Variants in AMOT observed in about 807,000 individuals in gnomAD.
AMOT encodes the protein angiomotin.
AMOT carries 11 observed loss-of-function variants against 67.0 expected under a neutral mutation model. The observed-to-expected ratio is 0.16, with a 90% CI of 0.10 to 0.27. The LOEUF is 0.27. Ranked by LOEUF, AMOT falls within the 10% of genes least tolerant of loss-of-function variation. The pLI is 1.00. For missense variants in AMOT, 753 were observed against 852.0 expected (o/e 0.88, Z 1.45); for synonymous variants, 326 against 321.4 (o/e 1.01, Z -0.15).
intron 1 of AMOT, among the ~76,000 whole-genome samples, chrX:112,836,842 C>T (rs1322962468): frequency 9.4e-6 from 1 of 106,147 alleles, no homozygotes; most frequent in Non-Finnish European, 1.9e-5. Context: ...AAACCATAAA[C>T]GTATAAGAAC....
chrX:112,793,102 A>G (rs1319364510), intron 8 of AMOT, among the ~76,000 whole-genome samples: 1 of 109,884 alleles, frequency 9.1e-6, no homozygotes, highest in Non-Finnish European at 1.9e-5. Flanking sequence ...GGCCTCCTCA[A>G]TGCTAATAAA....
At chrX:112,817,302 C>T (rs1569403166) in intron 4 of AMOT, among the ~76,000 whole-genome samples, 1 of 112,321 alleles carries the variant, frequency 8.9e-6, no homozygotes, top group Non-Finnish European at 1.9e-5. Flanking sequence ...ATAGGAATTA[C>T]AGTCACTTCT....
intron 7 of AMOT, among the ~76,000 whole-genome samples, chrX:112,808,892 C>G (rs148850615): frequency 9.0e-6 from 1 of 111,619 alleles, no homozygotes; most frequent in Non-Finnish European, 1.9e-5. Flanking sequence ...ACAGGAGGTA[C>G]AGGGAAAAGA....
intron 2 of AMOT, among the ~76,000 whole-genome samples, chrX:112,832,080 T>C (rs941826779): frequency 8.1e-5 from 9 of 111,131 alleles, no homozygotes; most frequent in Admixed American, 9.6e-5. Flanking sequence ...GAAAGGGAAG[T>C]TGCTAGACTG....
chrX:112,831,445 CAATAAATAAATA>C (rs35986965), intron 2 of AMOT, among the ~76,000 whole-genome samples: 8,004 of 94,515 alleles, frequency 0.085, 924 homozygotes, highest in African/African-American at 0.29. Context: ...CCTAGGGTGG[CAATAAATAAATA>C]AATAAATAAA....
At chrX:112,810,434 C>A (rs1449261079) in intron 6 of AMOT, among the ~76,000 whole-genome samples, 3 of 112,161 alleles carry the variant, frequency 2.7e-5, no homozygotes, top group Non-Finnish European at 5.6e-5. Context: ...CCTGGCCGGG[C>A]ACAGTGACTC....
At chrX:112,824,212 G>A (rs965649113) in intron 3 of AMOT, among the ~76,000 whole-genome samples, 3 of 112,061 alleles carry the variant, frequency 2.7e-5, no homozygotes, top group African/African-American at 6.5e-5. Flanking sequence ...GCACTGTATA[G>A]TACACACTAA....
intron 4 of AMOT, chrX:112,819,422 C>G: frequency 4.0e-6 from 3 of 753,603 alleles, no homozygotes; most frequent in Non-Finnish European, 4.7e-6. Flanking sequence ...CTTGCACAAC[C>G]AGCTCTGCTC....
intron 8 of AMOT, among the ~76,000 whole-genome samples, chrX:112,792,699 G>A (rs184983251): frequency 1.1e-3 from 123 of 111,849 alleles, no homozygotes; most frequent in Middle Eastern, 4.6e-3. Flanking sequence ...GCTACTTCAT[G>A]AGCCTGAATT....
intron 2 of AMOT, among the ~76,000 whole-genome samples, chrX:112,827,342 A>G (rs957168215): frequency 3.6e-5 from 4 of 112,390 alleles, no homozygotes; most frequent in Non-Finnish European, 7.5e-5. Context: ...GTTCATCTAC[A>G]TGTCAAGAGT....
intron 5 of AMOT, 87 bp from the exon 6 acceptor site, chrX:112,811,480 C>T: frequency 1.6e-5 from 17 of 1,042,025 alleles, no homozygotes; most frequent in Middle Eastern, 3.8e-4. Context: ...TCCTCGCTGA[C>T]AGCTTCTCCC....
chrX:112,821,341 C>T (rs1487388005), intron 4 of AMOT, among the ~76,000 whole-genome samples: 1 of 111,083 alleles, frequency 9.0e-6, no homozygotes. Flanking sequence ...ACCATCGGTC[C>T]CCATGGTTTA....
chrX:112,779,864 T>C (rs1211661445), intron 12 of AMOT, among the ~76,000 whole-genome samples, 184 bp from the exon 13 acceptor site: 1 of 110,669 alleles, frequency 9.0e-6, no homozygotes, highest in Non-Finnish European at 1.9e-5. Context: ...GTCTAAGTTA[T>C]TTATTTTTGC....
intron 10 of AMOT, among the ~76,000 whole-genome samples, chrX:112,789,154 G>T (rs1219039527): frequency 8.9e-6 from 1 of 111,959 alleles, no homozygotes; most frequent in Non-Finnish European, 1.9e-5. Flanking sequence ...AAATTACCCT[G>T]TATCTTTCCA....
intron 8 of AMOT, among the ~76,000 whole-genome samples, chrX:112,803,227 G>A (rs768089172): frequency 1.8e-5 from 2 of 112,128 alleles, no homozygotes; most frequent in Admixed American, 1.9e-4. Context: ...AAGGCAGCAG[G>A]GTTTAGGGAA....
chrX:112,799,081 T>C (rs1370211183), intron 8 of AMOT, among the ~76,000 whole-genome samples: 3 of 110,062 alleles, frequency 2.7e-5, no homozygotes, highest in Non-Finnish European at 5.7e-5. Flanking sequence ...AGCGACTTAA[T>C]CATTTAGCTT....
chrX:112,810,603 A>C lies in AMOT; in HGVS notation c.1538-617T>G, dbSNP rs187537210. Among the ~76,000 whole-genome samples, 6 of 110,509 alleles carry C rather than the reference A, an allele frequency of 5.4e-5. No homozygotes were observed. The Admixed American group carries it at 5.8e-4, about 11-fold the overall frequency. On this transcript the variant is annotated intron_variant, in intron 6 of 13. Coordinates refer to ENST00000371959, the MANE Select transcript of AMOT (RefSeq NM_001113490.2). ...CGCTGGTAATCCCAGCCAGCTACTC[A>C]GGAGGCTGAGGCAGGAGAATCACTT...
intron 8 of AMOT, among the ~76,000 whole-genome samples, chrX:112,803,829 G>C (rs1934087864): frequency 8.9e-6 from 1 of 112,196 alleles, no homozygotes; most frequent in Admixed American, 9.4e-5. Context: ...AATTTCTTTT[G>C]TTTCAAATCT....
intron 2 of AMOT, 138 bp from the exon 3 acceptor site, chrX:112,825,358 A>G (rs1295296555): frequency 8.9e-6 from 1 of 111,930 alleles, no homozygotes; most frequent in East Asian, 2.8e-4. Context: ...TTAAATGAGT[A>G]GCAGAGTCCA....
Sources: allele counts gnomAD v4.1 joint callset (sites outside exome capture counted in the v4.1 genomes callset), GRCh38; gene constraint gnomAD v4.1.1; transcripts MANE v1.5; gene names NCBI Gene and HGNC (gene_info 2026-07-23, HGNC 2026-07-21).